SPATS2L: variants seen among roughly 807,000 people sequenced by gnomAD.
The protein encoded by SPATS2L is SPATS2-like protein.
Under a neutral mutation model 59.6 loss-of-function variants are expected in SPATS2L, and 30 were observed. The ratio of observed to expected loss-of-function variants is 0.50; its 90% CI spans 0.38 to 0.68. The LOEUF (loss-of-function observed/expected upper bound fraction) is 0.68, where lower values mean the gene tolerates loss of function less well. SPATS2L is among the 30% of genes least tolerant of loss of function. The probability of loss-of-function intolerance (pLI) is 0.00; values close to 1 mark genes in which losing one functional copy is unlikely to be tolerated. For synonymous variants in SPATS2L, 252 were observed against 263.5 expected (o/e 0.96, Z 0.42); for missense variants, 615 against 700.0 (o/e 0.88, Z 1.37).
At chr2:200,324,796 A>G (rs2079680396) in intron 1 of SPATS2L, among the ~76,000 whole-genome samples, 1 of 152,216 alleles carries the variant, frequency 6.6e-6, no homozygotes, top group South Asian at 2.1e-4. Context: ...AACTTAGGCA[A>G]GTATCAGCAG....
chr2:200,370,294 A>G (rs1047943274), intron 2 of SPATS2L, among the ~76,000 whole-genome samples: 1 of 152,244 alleles, frequency 6.6e-6, no homozygotes, highest in Non-Finnish European at 1.5e-5. Context: ...TTTCCTGTTC[A>G]ATAGAATAAA....
At chr2:200,351,834 C>T (rs1235809738) in intron 2 of SPATS2L, among the ~76,000 whole-genome samples, 1 of 152,102 alleles carries the variant, frequency 6.6e-6, no homozygotes, top group Non-Finnish European at 1.5e-5. Flanking sequence ...TATAAATCCC[C>T]TGCTCCTTGA....
At chr2:200,444,850 G>C (rs1269445529) in intron 8 of SPATS2L, among the ~76,000 whole-genome samples, 2 of 151,936 alleles carry the variant, frequency 1.3e-5, no homozygotes, top group Non-Finnish European at 2.9e-5. Context: ...AATCAAGATA[G>C]GTGTTTATAG....
At chr2:200,446,128 C>G (rs2085027968) in intron 8 of SPATS2L, among the ~76,000 whole-genome samples, 2 of 152,090 alleles carry the variant, frequency 1.3e-5, no homozygotes, top group South Asian at 4.2e-4. Context: ...TGCTTGAGCC[C>G]AGGAGTTCGA....
chr2:200,428,626 C>T (rs2083726801), intron 6 of SPATS2L, among the ~76,000 whole-genome samples: 1 of 152,214 alleles, frequency 6.6e-6, no homozygotes, highest in African/African-American at 2.4e-5. Flanking sequence ...GAACTCCAGA[C>T]TCTTCTTTGA....
intron 12 of SPATS2L, among the ~76,000 whole-genome samples, chr2:200,474,158 G>A (rs2087311521): frequency 6.7e-6 from 1 of 149,578 alleles, no homozygotes. Context: ...GTGTCTTGTT[G>A]GGTTTTGCTG....
rs186554261 is a variant in SPATS2L, at chr2:200,432,964, A to G, written c.446-6158A>G. 1.0e-3 allele frequency among the ~76,000 whole-genome samples: 153 copies of G among 152,272 alleles called. 1 individual carries two copies. The highest frequency in any genetic ancestry group is 3.6e-3 in the African/African-American group (150 of 41,570). ...AAGGAACAGTATCAGGCAGTCTCAC[A>G]TAGGTGTAATTAGAGTCTCAGAAGG... On this transcript the variant is annotated intron_variant, in intron 6 of 12. Transcript: ENST00000409140.
intron 2 of SPATS2L, among the ~76,000 whole-genome samples, chr2:200,347,575 A>G (rs1032386276): frequency 6.6e-6 from 1 of 152,212 alleles, no homozygotes; most frequent in Non-Finnish European, 1.5e-5. Context: ...TAACTGAGAC[A>G]CATAGAATAC....
Position 200,412,356 on chromosome 2 carries a change from A to T in SPATS2L, c.85A>T (p.Ile29Leu), listed in dbSNP as rs766734108. ...TGTTCCCAACAAAAGCAATAATGAAATAGTCCTGGTGCTCCAACAGTTTGA... is the reference window on the plus strand; with the variant it reads ...TGTTCCCAACAAAAGCAATAATGAATTAGTCCTGGTGCTCCAACAGTTTGA... ...SVVPNKSNNE[I>L]VLVLQQFDFN... The change falls in exon 4 of 13, where the codon ATA (isoleucine) becomes TTA (leucine). Residue 29 changes from isoleucine to leucine, a missense_variant. Around this residue, in one of 3 missense-constraint regions of SPATS2L, gnomAD observed 227 missense variants for 257.4 expected, o/e 0.88. Coordinates refer to ENST00000409140, the MANE Select transcript of SPATS2L (RefSeq NM_001100423.2). The T allele has an allele frequency of 4.4e-6, 7 of 1,608,854 alleles. No homozygotes were observed. In the African/African-American group the frequency reaches 9.4e-5, roughly 22 times the overall value.
chr2:200,325,075 G>T (rs1223586345), intron 1 of SPATS2L, among the ~76,000 whole-genome samples: 2 of 152,136 alleles, frequency 1.3e-5, no homozygotes, highest in Non-Finnish European at 2.9e-5. Context: ...ACTACCTTCA[G>T]AGGAAAAGGA....
At chr2:200,326,901 A>T (rs1366963882) in intron 1 of SPATS2L, among the ~76,000 whole-genome samples, 1 of 99,080 alleles carries the variant, frequency 1.0e-5, no homozygotes, top group Non-Finnish European at 1.9e-5. Flanking sequence ...TGCCCGGCTA[A>T]TTTTTTTTTT....
chr2:200,321,352 A>G (rs1441737404), intron 1 of SPATS2L, among the ~76,000 whole-genome samples: 2 of 152,190 alleles, frequency 1.3e-5, no homozygotes, highest in Non-Finnish European at 2.9e-5. Flanking sequence ...TTCTACTTCT[A>G]TAAAATGAGG....
intron 6 of SPATS2L, among the ~76,000 whole-genome samples, chr2:200,430,260 A>G (rs1283448870): frequency 6.6e-6 from 1 of 152,204 alleles, no homozygotes; most frequent in African/African-American, 2.4e-5. Context: ...ATGATAAAAT[A>G]CATGGAGAAG....
At chr2:200,386,950 A>C (rs1012941643) in intron 2 of SPATS2L, among the ~76,000 whole-genome samples, 1 of 152,228 alleles carries the variant, frequency 6.6e-6, no homozygotes, top group African/African-American at 2.4e-5. Flanking sequence ...GCCATCCAGA[A>C]GTCTTCCAAT....
intron 2 of SPATS2L, among the ~76,000 whole-genome samples, chr2:200,346,628 A>G (rs1050843493): frequency 6.6e-6 from 1 of 152,170 alleles, no homozygotes; most frequent in Admixed American, 6.5e-5. Flanking sequence ...TATATCCTCT[A>G]ATGTATGATG....
At chr2:200,330,333 A>T (rs2079896539) in intron 2 of SPATS2L, among the ~76,000 whole-genome samples, 1 of 152,192 alleles carries the variant, frequency 6.6e-6, no homozygotes, top group Non-Finnish European at 1.5e-5. Flanking sequence ...TATAAACTTG[A>T]TTCTTTTTCC....
chr2:200,380,469 T>C lies in SPATS2L; in HGVS notation c.-22-8754T>C, dbSNP rs532377052. Among the ~76,000 whole-genome samples the C allele has an allele frequency of 1.4e-4, 21 of 152,336 alleles. 1 individual carries two copies. In the South Asian group the frequency reaches 4.1e-3, roughly 30 times the overall value. On this transcript the variant is annotated intron_variant, in intron 2 of 12. Coordinates refer to ENST00000409140, the MANE Select transcript of SPATS2L (RefSeq NM_001100423.2). ...AGGTTCTCCCATGAAGGTCTCAAAC[T>C]TGCATGAGCACATCTTGCCCTAGAT...
intron 1 of SPATS2L, among the ~76,000 whole-genome samples, chr2:200,328,992 G>A (rs1369312301): frequency 6.6e-6 from 1 of 152,150 alleles, no homozygotes; most frequent in Non-Finnish European, 1.5e-5. Flanking sequence ...GACCTCTCTG[G>A]TGCCTCATTT....
chr2:200,417,752 A>G (rs964780644), intron 5 of SPATS2L, among the ~76,000 whole-genome samples: 1 of 152,252 alleles, frequency 6.6e-6, no homozygotes, highest in Non-Finnish European at 1.5e-5. Context: ...TTCCAAAGGA[A>G]AAAAGCAGGG....
Sources: gnomAD v4.1 joint callset for allele counts (sites outside exome capture counted in the v4.1 genomes callset) on GRCh38, gnomAD v4.1.1 for gene constraint, gnomAD v4.1.1 regional missense constraint, MANE v1.5 for transcripts, NCBI Gene and HGNC (gene_info 2026-07-23, HGNC 2026-07-21) for gene names.